BLNK: variants seen among roughly 807,000 people sequenced by gnomAD.
The protein encoded by BLNK is B-cell linker protein.
In BLNK, 29 loss-of-function variants were observed where a neutral mutation model predicts 73.5. The ratio of observed to expected loss-of-function variants is 0.39; its 90% confidence interval spans 0.29 to 0.54. The LOEUF (loss-of-function observed/expected upper bound fraction) is 0.54. BLNK is among the 20% of genes least tolerant of loss of function. The pLI, the probability that BLNK is intolerant of heterozygous loss-of-function variation, is 0.61. For missense variants in BLNK, 460 were observed against 562.8 expected, an observed-to-expected ratio of 0.82 and a Z score of 1.85; for synonymous variants, 176 against 200.8, an observed-to-expected ratio of 0.88 and a Z score of 1.04.
rs782356586 is a variant in BLNK at position 96,215,349 on chromosome 10, C to T, written c.648G>A (p.Thr216=). 22 of 1,613,782 alleles carry T rather than the reference C, an allele frequency of 1.4e-5. No individual in the cohort carries two copies. The highest frequency in any genetic ancestry group is 1.6e-4 in the Middle Eastern group (1 of 6,072). ...VNRSTKPNSS[T]PASPPGTASG... is the part of the protein sequence containing the mutation. ...AAGCTGTTCCTGGAGGAGAGGCGGG[C>T]GTTGAGGAATTTGGCTTGGTTGATC... The change falls in exon 8 of 17, where the codon ACG becomes ACA. Residue 216 remains threonine (T), a synonymous_variant. Transcript: ENST00000224337.
rs187161241 is a variant in BLNK, at chr10:96,210,680, G to T, written c.677-773C>A. ...GTGGGACAGAGGGCAGGCCAGGAGGGGAGAGGCCAGAGCTGAGCCAGCCCC... is the reference window on the plus strand; with the variant it reads ...GTGGGACAGAGGGCAGGCCAGGAGGTGAGAGGCCAGAGCTGAGCCAGCCCC... On this transcript the variant is annotated intron_variant, in intron 8 of 16. Coordinates refer to ENST00000224337, the MANE Select transcript of BLNK (RefSeq NM_013314.4). Among the ~76,000 whole-genome samples, 3 of 152,232 alleles carry T rather than the reference G, an allele frequency of 2.0e-5. No homozygotes were observed. The East Asian group carries it at 5.8e-4, about 29-fold the overall frequency.
intron 1 of BLNK, among the ~76,000 whole-genome samples, chr10:96,262,870 G>A (rs1843819630): frequency 6.6e-6 from 1 of 152,202 alleles, no homozygotes; most frequent in African/African-American, 2.4e-5. Context: ...TATGAAAAGT[G>A]AAGAACAAAG....
In BLNK at chr10:96,218,862, C is replaced by T. The variant is rs79987001; in HGVS notation, c.526-2128G>A. 8.7e-3 allele frequency among the ~76,000 whole-genome samples: 1,331 copies of T among 152,198 alleles called. 10 individuals are homozygous for T. The highest frequency in any genetic ancestry group is 0.014 in the Middle Eastern group (4 of 294). On this transcript the variant is annotated intron_variant, in intron 6 of 16. Coordinates refer to ENST00000224337, the MANE Select transcript of BLNK (RefSeq NM_013314.4). ...CTCTTTCTTCACCTCTGAAGCTGGC[C>T]GAGAGGCACCAGAGAGTTCTACTCA...
At chr10:96,268,375 G>A (rs1844111153) in intron 1 of BLNK, among the ~76,000 whole-genome samples, 1 of 152,156 alleles carries the variant, frequency 6.6e-6, no homozygotes, top group Non-Finnish European at 1.5e-5. Flanking sequence ...TTGAAACCCA[G>A]CTCTAGCCAG....
intron 1 of BLNK, among the ~76,000 whole-genome samples, chr10:96,250,933 G>T (rs1180727173): frequency 6.6e-6 from 1 of 152,116 alleles, no homozygotes; most frequent in Non-Finnish European, 1.5e-5. Flanking sequence ...GGATGCATGT[G>T]ATATTTTGAT....
At chr10:96,203,999 A>C in intron 13 of BLNK, 58 bp downstream of exon 13, 1 of 1,464,866 alleles carries the variant, frequency 6.8e-7, no homozygotes, top group Non-Finnish European at 9.6e-7. Context: ...GGCCTATCAG[A>C]CTCTAGGATC....
intron 3 of BLNK, among the ~76,000 whole-genome samples, chr10:96,238,084 C>T (rs1842760583): frequency 6.6e-6 from 1 of 152,212 alleles, no homozygotes; most frequent in Non-Finnish European, 1.5e-5. Flanking sequence ...GGCGATGTTT[C>T]CTCCTCAGGG....
intron 3 of BLNK, among the ~76,000 whole-genome samples, chr10:96,241,289 T>G (rs1416938615): frequency 2.6e-5 from 4 of 152,258 alleles, no homozygotes; most frequent in Non-Finnish European, 5.9e-5. Flanking sequence ...CAATGATGTC[T>G]GTAGCTCTGT....
intron 8 of BLNK, among the ~76,000 whole-genome samples, chr10:96,214,293 G>A (rs1444078379): frequency 6.6e-6 from 1 of 152,174 alleles, no homozygotes; most frequent in African/African-American, 2.4e-5. Flanking sequence ...AGTGTCTTGG[G>A]CTCAGCCTTG....
At chr10:96,234,250 G>C (rs1341975437) in intron 3 of BLNK, among the ~76,000 whole-genome samples, 1 of 152,242 alleles carries the variant, frequency 6.6e-6, no homozygotes, top group African/African-American at 2.4e-5. Context: ...AGAGAGAAAA[G>C]CATCATACAG....
intron 3 of BLNK, among the ~76,000 whole-genome samples, chr10:96,242,117 G>C (rs1305150039): frequency 6.6e-6 from 1 of 152,148 alleles, no homozygotes; most frequent in African/African-American, 2.4e-5. Context: ...TGCTGTGGGA[G>C]GGACCTTGTA....
chr10:96,226,864 A>C (rs923425277), intron 5 of BLNK, among the ~76,000 whole-genome samples: 2 of 151,816 alleles, frequency 1.3e-5, no homozygotes, highest in Admixed American at 6.6e-5. Flanking sequence ...AAAAAAAAAA[A>C]CAGACCCAAG....
intron 3 of BLNK, among the ~76,000 whole-genome samples, chr10:96,232,780 G>A (rs2134050281): frequency 6.6e-6 from 1 of 151,760 alleles, no homozygotes; most frequent in African/African-American, 2.4e-5. Context: ...TGATTACCTG[G>A]CACAATGGGG....
intron 4 of BLNK, among the ~76,000 whole-genome samples, chr10:96,228,195 G>A (rs1415093360): frequency 1.7e-4 from 26 of 151,470 alleles, no homozygotes; most frequent in Admixed American, 1.3e-3. Context: ...TGCCTCCTGG[G>A]TTCCAGCGAT....
At chr10:96,230,744 G>T (rs782041577) in intron 4 of BLNK, 50 bp downstream of exon 4, 3 of 1,571,506 alleles carry the variant, frequency 1.9e-6, no homozygotes, top group Non-Finnish European at 2.6e-6. Flanking sequence ...TCTTCAAAAG[G>T]CCTCCCATGG....
intron 1 of BLNK, among the ~76,000 whole-genome samples, chr10:96,263,521 G>A (rs1843855200): frequency 6.6e-6 from 1 of 152,134 alleles, no homozygotes; most frequent in Non-Finnish European, 1.5e-5. Context: ...GAAATGGTCT[G>A]TTTGGAGGCC....
intron 3 of BLNK, among the ~76,000 whole-genome samples, chr10:96,240,425 T>C (rs1591346333): frequency 1.1e-5 from 1 of 92,500 alleles, no homozygotes; most frequent in Non-Finnish European, 2.9e-5. Context: ...TTTCTTAATA[T>C]TTTTTTCTTA....
chr10:96,224,267 C>G (rs1554901943), intron 5 of BLNK, among the ~76,000 whole-genome samples: 2 of 152,202 alleles, frequency 1.3e-5, no homozygotes, highest in Admixed American at 1.3e-4. Flanking sequence ...CAACCCAACA[C>G]TTGGCCACAC....
chr10:96,269,444 T>TC (rs1554915017), intron 1 of BLNK, among the ~76,000 whole-genome samples: 2 of 151,658 alleles, frequency 1.3e-5, no homozygotes, highest in African/African-American at 4.9e-5. Flanking sequence ...ACATTTGGAA[T>TC]CCTCCTGTTC....
Sources: allele counts gnomAD v4.1 joint callset (sites outside exome capture counted in the v4.1 genomes callset), GRCh38; gene constraint gnomAD v4.1.1; transcripts MANE v1.5; gene names NCBI Gene and HGNC (gene_info 2026-07-23, HGNC 2026-07-21).